Variants in RORA observed in about 807,000 individuals in gnomAD.
RORA encodes the protein nuclear receptor ROR-alpha.
Under a neutral mutation model 69.5 loss-of-function variants are expected in RORA, and 7 were observed. The observed-to-expected ratio is 0.10, with a 90% CI of 0.06 to 0.19. The LOEUF is 0.19. Ranked by LOEUF, RORA falls within the 10% of genes least tolerant of loss-of-function variation. The pLI is 1.00. For missense variants in RORA, 457 were observed against 663.0 expected, an observed-to-expected ratio of 0.69 and a Z score of 3.41; for synonymous variants, 261 against 240.8, an observed-to-expected ratio of 1.08 and a Z score of -0.78.
intron 1 of RORA, among the ~76,000 whole-genome samples, chr15:60,803,211 G>A (rs188065794): frequency 1.3e-4 from 20 of 152,308 alleles, no homozygotes; most frequent in African/African-American, 4.8e-4. Context: ...ACTAATTTAT[G>A]CCTCAAATTA....
intron 1 of RORA, among the ~76,000 whole-genome samples, chr15:60,943,916 CAAAAAAAAAA>C (rs545168599): frequency 1.2e-4 from 4 of 32,332 alleles, no homozygotes; most frequent in Middle Eastern, 0.045. Context: ...ACTCCATCTC[CAAAAAAAAAA>C]AAAAAAAAAA....
At chr15:60,782,372 A>C (rs1308070609) in intron 1 of RORA, among the ~76,000 whole-genome samples, 2 of 152,206 alleles carry the variant, frequency 1.3e-5, no homozygotes, top group Non-Finnish European at 2.9e-5. Flanking sequence ...GAAAGTGTTA[A>C]AGTACACAAC....
chr15:60,554,089 CCTCT>C lies in RORA; in HGVS notation c.197-22242_197-22239del, dbSNP rs2067294813. ...GGTAGAGGAAGAAGTTGGGTTTTTT[CCTCT>C]CTAACACTGAGTAAGTGATTTTAAT... On this transcript the variant is annotated intron_variant, in intron 2 of 10. Coordinates refer to ENST00000335670, the MANE Select transcript of RORA (RefSeq NM_134261.3). 2.0e-5 allele frequency among the ~76,000 whole-genome samples: 3 copies of C among 152,106 alleles called. No homozygotes were observed. In the East Asian group the frequency reaches 5.8e-4, roughly 29 times the overall value.
intron 2 of RORA, among the ~76,000 whole-genome samples, chr15:60,552,325 G>T (rs1351783872): frequency 6.6e-6 from 1 of 152,070 alleles, no homozygotes; most frequent in Admixed American, 6.6e-5. Context: ...TTGTCCTAGG[G>T]TCCACAGGAA....
intron 1 of RORA, among the ~76,000 whole-genome samples, chr15:60,757,009 TACACTTATCTAA>T (rs1465963198): frequency 6.6e-6 from 1 of 152,210 alleles, no homozygotes; most frequent in Non-Finnish European, 1.5e-5. Flanking sequence ...ATCTTTAATA[TACACTTATCTAA>T]AATGACGCAT....
intron 2 of RORA, among the ~76,000 whole-genome samples, chr15:60,660,951 CAG>C (rs1406271157): frequency 6.6e-6 from 1 of 151,662 alleles, no homozygotes; most frequent in South Asian, 2.1e-4. Context: ...TTTCTTAAAA[CAG>C]AAGCATTTTC....
chr15:60,614,596 G>A (rs926931371), intron 2 of RORA, among the ~76,000 whole-genome samples: 6 of 152,150 alleles, frequency 3.9e-5, no homozygotes, highest in Non-Finnish European at 5.9e-5. Context: ...TAAAGACATG[G>A]CTTCTGTGTC....
intron 1 of RORA, among the ~76,000 whole-genome samples, chr15:60,941,412 T>A (rs895768744): frequency 6.6e-6 from 1 of 152,222 alleles, no homozygotes; most frequent in Non-Finnish European, 1.5e-5. Context: ...ATTTAGCTAT[T>A]AGGACCCCAG....
At chr15:60,788,213 C>A (rs1567191264) in intron 1 of RORA, among the ~76,000 whole-genome samples, 1 of 152,190 alleles carries the variant, frequency 6.6e-6, no homozygotes, top group South Asian at 2.1e-4. Flanking sequence ...TTCATCCACT[C>A]CACTGACATT....
At chr15:60,678,807 C>T (rs1271628482) in intron 1 of RORA, 121 bp from the exon 2 acceptor site, 1 of 790,226 alleles carries the variant, frequency 1.3e-6, no homozygotes, top group Non-Finnish European at 2.2e-6. Flanking sequence ...GGAAGCAAGA[C>T]CAGTTTTAAC....
chr15:60,751,317 G>C (rs1486409037), intron 1 of RORA, among the ~76,000 whole-genome samples: 3 of 152,290 alleles, frequency 2.0e-5, no homozygotes, highest in African/African-American at 7.2e-5. Flanking sequence ...AAGATCAGTG[G>C]TGGGAATAAG....
intron 1 of RORA, among the ~76,000 whole-genome samples, chr15:60,803,066 G>C (rs998647689): frequency 1.3e-5 from 2 of 152,120 alleles, no homozygotes; most frequent in Admixed American, 1.3e-4. Flanking sequence ...TAACAGCTTG[G>C]TTTTTAAATG....
At chr15:61,215,112 T>A (rs1436969973) in intron 1 of RORA, among the ~76,000 whole-genome samples, 1 of 145,356 alleles carries the variant, frequency 6.9e-6, no homozygotes, top group African/African-American at 2.6e-5. Flanking sequence ...CTCGAACTCA[T>A]GACCTCGTGA....
chr15:61,168,796 T>G (rs1350471491), intron 1 of RORA, among the ~76,000 whole-genome samples: 3 of 151,898 alleles, frequency 2.0e-5, no homozygotes, highest in African/African-American at 7.3e-5. Flanking sequence ...TTCTAGCAGG[T>G]GCTAGCTGTG....
In RORA at chr15:61,198,705, A is replaced by G. The variant is rs1310357186; in HGVS notation, c.166+30348T>C. On this transcript the variant is annotated intron_variant, in intron 1 of 10. Coordinates refer to ENST00000335670, the MANE Select transcript of RORA (RefSeq NM_134261.3). The stretch of plus-strand genomic sequence containing the variant: ...AAAAAAAAAAAGACAACTACTATAT[A>G]TACTGATACCTATTTATTTTCTGGA... Among the ~76,000 whole-genome samples, 4 of 151,706 alleles carry G rather than the reference A, an allele frequency of 2.6e-5. No individual in the cohort carries two copies. In the East Asian group the frequency reaches 7.7e-4, roughly 29 times the overall value.
At chr15:60,791,767 C>T (rs1251456442) in intron 1 of RORA, among the ~76,000 whole-genome samples, 2 of 152,130 alleles carry the variant, frequency 1.3e-5, no homozygotes, top group African/African-American at 2.4e-5. Flanking sequence ...TGCTGTCGAC[C>T]GCAGGAACAA....
At chr15:60,917,654 A>T (rs1891918731) in intron 1 of RORA, among the ~76,000 whole-genome samples, 1 of 152,190 alleles carries the variant, frequency 6.6e-6, no homozygotes, top group Non-Finnish European at 1.5e-5. Flanking sequence ...GCATTGCATA[A>T]CTGGTGTTTT....
At chr15:60,770,067 GGTAGGAGT>G (rs1409883813) in intron 1 of RORA, among the ~76,000 whole-genome samples, 1 of 152,092 alleles carries the variant, frequency 6.6e-6, no homozygotes, top group Non-Finnish European at 1.5e-5. Flanking sequence ...ATTTTGATTG[GGTAGGAGT>G]GTTCATTACT....
At chr15:60,834,312 TCATGG>T (rs2073086074) in intron 1 of RORA, among the ~76,000 whole-genome samples, 1 of 152,136 alleles carries the variant, frequency 6.6e-6, no homozygotes, top group Non-Finnish European at 1.5e-5. Flanking sequence ...ACTCCTTAAT[TCATGG>T]TAATAAAGTC....
Sources: allele counts gnomAD v4.1 joint callset (sites outside exome capture counted in the v4.1 genomes callset), GRCh38; gene constraint gnomAD v4.1.1; transcripts MANE v1.5; gene names NCBI Gene and HGNC (gene_info 2026-07-23, HGNC 2026-07-21).